The following CYTH4 variants were observed in gnomAD, a reference collection of about 807,000 sequenced individuals.
CYTH4 encodes the protein cytohesin 4.
A neutral mutation model predicts 57.5 loss-of-function variants in CYTH4; 22 were observed. The observed-to-expected ratio is 0.38, with a 90% CI of 0.27 to 0.55. The LOEUF is 0.55. Among genes scored for constraint, CYTH4 ranks in the 20% least tolerant of loss-of-function variants. CYTH4 has a pLI of 0.74. For synonymous variants in CYTH4, 186 were observed against 206.5 expected, an observed-to-expected ratio of 0.90 and a Z score of 0.85; for missense variants, 420 against 535.6, an observed-to-expected ratio of 0.78 and a Z score of 2.13.
intron 3 of CYTH4, 80 bp downstream of exon 3, chr22:37,294,804 C>T (rs2145859354): frequency 1.3e-6 from 2 of 1,510,364 alleles, no homozygotes; most frequent in Admixed American, 1.7e-5. Flanking sequence ...TGAGCAGGGG[C>T]CACTCCCAGC....
chr22:37,292,650 G>C lies in CYTH4; in HGVS notation c.49G>C (p.Glu17Gln). 2 of 1,613,928 alleles carry C rather than the reference G, an allele frequency of 1.2e-6. No individual in the cohort carries two copies. The highest frequency in any genetic ancestry group is 1.3e-5 in the African/African-American group (1 of 75,056). The stretch of plus-strand genomic sequence containing the variant: ...CGCGGAGCTGAGCAGCGGGGAGACG[G>C]AAGAGTTACAGAGGATCAAGTGGCA... ...EPAELSSGETEELQRIKWHRK... is the reference protein window; with the variant it reads ...EPAELSSGETQELQRIKWHRK... The change falls in exon 2 of 13, where the codon GAA becomes CAA. Residue 17 changes from glutamate to glutamine, a missense_variant. Transcript: ENST00000248901.
At chr22:37,309,121 C>T (rs1929538959) in intron 8 of CYTH4, 91 bp from the exon 9 acceptor site, 2 of 1,078,384 alleles carry the variant, frequency 1.9e-6, no homozygotes, top group Admixed American at 2.1e-5. Context: ...AGGTGAGTGA[C>T]CTGCTCAAGG....
Position 37,287,017 on chromosome 22 carries a change from G to A in CYTH4, c.19+4429G>A, listed in dbSNP as rs568715538. 3.3e-5 allele frequency among the ~76,000 whole-genome samples: 5 copies of A among 152,300 alleles called. No individual in the cohort carries two copies. In the East Asian group the frequency reaches 9.7e-4, roughly 29 times the overall value. On this transcript the variant is annotated intron_variant, in intron 1 of 12. Transcript: ENST00000248901. ...GACCCAAGGGGTGACAGCCAGGTGG[G>A]AGTCAGAGTGCCTCCTGGGGAAATG...
At chr22:37,312,746 G>A (rs1339491945) in intron 12 of CYTH4, among the ~76,000 whole-genome samples, 3 of 152,232 alleles carry the variant, frequency 2.0e-5, no homozygotes, top group African/African-American at 4.8e-5. Context: ...GTGGCTGGGT[G>A]AGGAAAGCCA....
chr22:37,301,717 A>G (rs1929192245), intron 7 of CYTH4, among the ~76,000 whole-genome samples: 2 of 138,862 alleles, frequency 1.4e-5, no homozygotes, highest in East Asian at 2.0e-4. Flanking sequence ...TTTGAGAGAG[A>G]AAGAAAGTCT....
chr22:37,286,708 C>T (rs1928573833), intron 1 of CYTH4, among the ~76,000 whole-genome samples: 1 of 151,950 alleles, frequency 6.6e-6, no homozygotes, highest in African/African-American at 2.4e-5. Flanking sequence ...GGCTAGAGCT[C>T]AGGGGAGTGA....
At chr22:37,307,488 C>T (rs2413460) in intron 8 of CYTH4, among the ~76,000 whole-genome samples, 75,638 of 151,950 alleles carry the variant, frequency 0.5, 20,795 homozygotes, top group South Asian at 0.77. Flanking sequence ...CTGGTGCCTG[C>T]TCTTCCCCAC....
chr22:37,308,186 C>T, intron 8 of CYTH4, among the ~76,000 whole-genome samples: 1 of 152,226 alleles, frequency 6.6e-6, no homozygotes. Context: ...GGTGGCTCCT[C>T]AGGGGCCCCT....
At chr22:37,302,347 C>T (rs1333543187) in intron 7 of CYTH4, among the ~76,000 whole-genome samples, 5 of 152,182 alleles carry the variant, frequency 3.3e-5, no homozygotes, top group East Asian at 1.9e-4. Context: ...ATTTGAATCA[C>T]GGTCCAATTA....
Position 37,295,990 on chromosome 22 carries a change from T to A in CYTH4, c.168-9T>A. 6.2e-6 allele frequency: 10 copies of A among 1,611,948 alleles called. No homozygotes were observed. Among genetic ancestry groups the A allele is most frequent in the Non-Finnish European group, 8.5e-6 (10 of 1,178,970 alleles). On this transcript the variant is annotated splice_polypyrimidine_tract_variant and intron_variant, in intron 3 of 12. Coordinates refer to ENST00000248901, the MANE Select transcript of CYTH4 (RefSeq NM_013385.5). The surrounding 1 kb of genome is among the most constrained non-coding windows in gnomAD (Gnocchi z 4.1). ...GGGGCAGCCCAAGCTGACGTCCTCA[T>A]GTCCACAGCCGGATGGCCCAGAAGG...
At chr22:37,284,954 G>A (rs553295440) in intron 1 of CYTH4, among the ~76,000 whole-genome samples, 223 of 140,224 alleles carry the variant, frequency 1.6e-3, no homozygotes, top group African/African-American at 5.4e-3. Context: ...CGGTGGGGGG[G>A]CGGCGGGGGA....
chr22:37,282,614 G>A, intron 1 of CYTH4, 26 bp downstream of exon 1: 1 of 1,593,214 alleles, frequency 6.3e-7, no homozygotes, highest in Non-Finnish European at 8.6e-7. Flanking sequence ...CAACCTCTCT[G>A]GGCCTCAGGG....
rs1440670868 is a variant in CYTH4 at position 37,315,119 on chromosome 22, T to G, written c.*1608T>G. 6.6e-6 allele frequency: 1 copy of G among 152,358 alleles called. No individual in the cohort carries two copies. The highest frequency in any genetic ancestry group is 1.5e-5 in the Non-Finnish European group (1 of 68,152). 9.4% of individuals were successfully genotyped at this position (152,358 alleles called of 1,614,324 possible). On this transcript the variant is annotated 3_prime_UTR_variant, in exon 13 of 13. Transcript: ENST00000248901. ...CTGCCTCTGTCACCTCATTGGTCCA[T>G]GAAGGAGCAGCCAGGGGTGGTGGAA...
chr22:37,289,947 C>T (rs1416840037), intron 1 of CYTH4, among the ~76,000 whole-genome samples: 2 of 152,212 alleles, frequency 1.3e-5, no homozygotes. Flanking sequence ...GGCACCCACA[C>T]CTGCCATTCC....
In CYTH4 at chr22:37,308,354, T is replaced by G. The variant is rs112813292; in HGVS notation, c.697-858T>G. On this transcript the variant is annotated intron_variant, in intron 8 of 12. Transcript: ENST00000248901. ...GTGTGTGTAAGCATGCATGTGTGTG[T>G]GGGCATGCATGTATATATGTGTGCA... is the stretch of plus-strand genomic sequence containing the variant. Among the ~76,000 whole-genome samples, 432 of 152,208 alleles carry G rather than the reference T, an allele frequency of 2.8e-3. 3 individuals carry two copies. The highest frequency in any genetic ancestry group is 0.01 in the African/African-American group (419 of 41,540).
chr22:37,299,205 C>T (rs754537600), intron 5 of CYTH4, 21 bp from the exon 6 acceptor site: 2 of 1,498,288 alleles, frequency 1.3e-6, no homozygotes, highest in African/African-American at 2.8e-5. Context: ...GTCCCACCCT[C>T]CCTTCCGCCT....
Position 37,295,905 on chromosome 22 carries a change from G to T in CYTH4, c.168-94G>T. 7.5e-7 allele frequency: 1 copy of T among 1,325,016 alleles called. No individual in the cohort carries two copies. Among genetic ancestry groups the T allele is most frequent in the Non-Finnish European group, 1.1e-6 (1 of 940,044 alleles). The allele number at this position is 1,325,016 out of a possible 1,614,324, so 82.1% of individuals were successfully genotyped here. On this transcript the variant is annotated intron_variant, in intron 3 of 12. Transcript: ENST00000248901. This position sits in a 1 kb window ranked among gnomAD's most constrained non-coding sequence, Gnocchi z 4.1. ...GGCCACACTTGGAGGGCCCTAGAGGGGTATGGGCTCCTGCTGAGGCAAGGG... is the reference window on the plus strand; with the variant it reads ...GGCCACACTTGGAGGGCCCTAGAGGTGTATGGGCTCCTGCTGAGGCAAGGG...
rs148511576 is a variant in CYTH4, at chr22:37,291,487, C to T, written c.20-1134C>T. Among the ~76,000 whole-genome samples, 42 of 152,282 alleles carry T rather than the reference C, an allele frequency of 2.8e-4. No individual in the cohort carries two copies. In the Middle Eastern group the frequency reaches 0.014, roughly 49 times the overall value. On this transcript the variant is annotated intron_variant, in intron 1 of 12. Coordinates refer to ENST00000248901, the MANE Select transcript of CYTH4 (RefSeq NM_013385.5). ...CCCGACGCTGGAACTTGAAGGTCAG[C>T]GAGGATTTGGGCAGGCAGACAGGAG...
rs544320288 is a variant in CYTH4, at chr22:37,295,339, C to T, written c.167+615C>T. On this transcript the variant is annotated intron_variant, in intron 3 of 12. Coordinates refer to ENST00000248901, the MANE Select transcript of CYTH4 (RefSeq NM_013385.5). This position sits in a 1 kb window ranked among gnomAD's most constrained non-coding sequence, Gnocchi z 4.1. ...CCTGCGCCCGCCACTCCTTAGGTCT[C>T]CACCTGTCCAGCCTCCTCCCCTCCC... 2.4e-3 allele frequency among the ~76,000 whole-genome samples: 368 copies of T among 151,196 alleles called. 2 individuals carry two copies. The Middle Eastern group carries it at 0.024, about 10-fold the overall frequency.
Sources: gnomAD v4.1 joint callset for allele counts (sites outside exome capture counted in the v4.1 genomes callset) on GRCh38, gnomAD v4.1.1 for gene constraint, Gnocchi (gnomAD v3.1) non-coding constraint, MANE v1.5 for transcripts, NCBI Gene and HGNC (gene_info 2026-07-23, HGNC 2026-07-21) for gene names.